Variants in CDH18 observed in about 807,000 individuals in gnomAD.
CDH18 encodes cadherin-18.
In CDH18, 31 loss-of-function variants were observed where a neutral mutation model predicts 67.9. The ratio of observed to expected loss-of-function variants is 0.46; its 90% CI spans 0.34 to 0.62. The LOEUF is 0.62. Ranked by LOEUF, CDH18 falls within the 20% of genes least tolerant of loss-of-function variation. CDH18 has a pLI of 0.01. For synonymous variants in CDH18, 362 were observed against 347.2 expected (o/e 1.04, Z -0.48); for missense variants, 890 against 975.5 (o/e 0.91, Z 1.17).
intron 1 of CDH18, among the ~76,000 whole-genome samples, chr5:20,299,377 A>C (rs1747774269): frequency 6.7e-6 from 1 of 150,214 alleles, no homozygotes; most frequent in Non-Finnish European, 1.5e-5. Flanking sequence ...TCCTAAACTT[A>C]AAAGCCCCAA....
chr5:20,032,304 C>T (rs1041136313), intron 2 of CDH18, among the ~76,000 whole-genome samples: 13 of 151,360 alleles, frequency 8.6e-5, no homozygotes, highest in African/African-American at 3.1e-4. Context: ...CTGTCCCTGA[C>T]TTTAGTTTCT....
chr5:19,637,423 A>T (rs1753324066), intron 5 of CDH18, among the ~76,000 whole-genome samples: 1 of 151,976 alleles, frequency 6.6e-6, no homozygotes, highest in South Asian at 2.1e-4. Context: ...TACACTACTG[A>T]TTCCTATTTC....
rs201703655 is a variant in CDH18, at chr5:20,104,995, A to AT, written c.-517-112982dup. Among the ~76,000 whole-genome samples the AT allele has an allele frequency of 9.1e-3, 1,359 of 149,752 alleles. 22 individuals are homozygous for AT. The highest frequency in any genetic ancestry group is 0.029 in the African/African-American group (1,175 of 40,892). On this transcript the variant is annotated intron_variant, in intron 2 of 14. Coordinates refer to the CDH18 transcript ENST00000507958. ...CACAATAGAAATTGTTTATAATTTT[A>AT]TTTTTTTTTTGAGACAGAATTTCTC...
At chr5:20,213,428 A>G (rs1233441643) in intron 2 of CDH18, among the ~76,000 whole-genome samples, 1 of 152,012 alleles carries the variant, frequency 6.6e-6, no homozygotes, top group African/African-American at 2.4e-5. Flanking sequence ...TTTTAGTCGA[A>G]TTTTTGGAAT....
chr5:20,105,975 G>T (rs1398817583), intron 2 of CDH18, among the ~76,000 whole-genome samples: 1 of 152,138 alleles, frequency 6.6e-6, no homozygotes, highest in African/African-American at 2.4e-5. Flanking sequence ...TAGTAAATAG[G>T]TAGCTGTATT....
chr5:20,491,195 T>TTTATTATTATTATTA (rs56678208), intron 1 of CDH18, among the ~76,000 whole-genome samples: 1 of 149,826 alleles, frequency 6.7e-6, no homozygotes, highest in Admixed American at 6.7e-5. Flanking sequence ...TAGTATTTGG[T>TTTATTATTATTATTA]TTATTATTAT....
intron 1 of CDH18, among the ~76,000 whole-genome samples, chr5:20,416,839 G>T (rs1211301792): frequency 1.1e-4 from 17 of 151,984 alleles, no homozygotes; most frequent in Admixed American, 1.1e-3. Context: ...CCTGAGACAT[G>T]AAAAAATAAT....
At chr5:20,238,231 A>T (rs1742624696) in intron 2 of CDH18, among the ~76,000 whole-genome samples, 1 of 152,128 alleles carries the variant, frequency 6.6e-6, no homozygotes, top group Non-Finnish European at 1.5e-5. Context: ...TATAAGGTTC[A>T]ACTTCAAAAT....
intron 1 of CDH18, among the ~76,000 whole-genome samples, chr5:20,445,278 T>A (rs1170944780): frequency 6.6e-6 from 1 of 152,184 alleles, no homozygotes; most frequent in Non-Finnish European, 1.5e-5. Flanking sequence ...GATTATCCGA[T>A]TTCTTAAACA....
At chr5:20,184,904 T>G (rs1737971957) in intron 2 of CDH18, among the ~76,000 whole-genome samples, 2 of 152,062 alleles carry the variant, frequency 1.3e-5, no homozygotes, top group South Asian at 4.1e-4. Flanking sequence ...CTCAGTTACC[T>G]TATTAAAATA....
intron 2 of CDH18, among the ~76,000 whole-genome samples, chr5:20,218,537 T>A (rs1740962954): frequency 6.6e-6 from 1 of 152,032 alleles, no homozygotes; most frequent in African/African-American, 2.4e-5. Flanking sequence ...GCTTTTGCTG[T>A]GTGTCCCCAC....
chr5:19,974,176 A>G (rs780382108), intron 2 of CDH18, among the ~76,000 whole-genome samples: 3 of 152,040 alleles, frequency 2.0e-5, no homozygotes, highest in Admixed American at 1.3e-4. Context: ...CAGTTTTCAG[A>G]CTGGTACAAA....
chr5:19,826,641 T>A (rs917575817), intron 3 of CDH18, among the ~76,000 whole-genome samples: 49 of 152,168 alleles, frequency 3.2e-4, no homozygotes, highest in Non-Finnish European at 2.8e-4. Context: ...CTAAGATTCA[T>A]AAGCAAAAGA....
intron 5 of CDH18, among the ~76,000 whole-genome samples, chr5:19,641,128 G>A (rs1468508048): frequency 1.2e-4 from 15 of 125,530 alleles, no homozygotes; most frequent in African/African-American, 3.0e-4. Context: ...ACAACTTACC[G>A]AATCTAAATT....
intron 1 of CDH18, among the ~76,000 whole-genome samples, chr5:20,458,353 C>T (rs945481747): frequency 5.3e-5 from 8 of 152,182 alleles, no homozygotes; most frequent in African/African-American, 1.7e-4. Context: ...TGCGGTGGCT[C>T]ATTCCTCTAA....
chr5:19,640,800 G>A (rs1407085328), intron 5 of CDH18, among the ~76,000 whole-genome samples: 4 of 151,732 alleles, frequency 2.6e-5, no homozygotes, highest in Admixed American at 6.6e-5. Flanking sequence ...AGAGTAAAAC[G>A]AAACCAACTA....
At position 20,046,227 on chromosome 5, in the gene CDH18, T is replaced by A. The variant is rs965299261; in HGVS notation, c.-517-54213A>T. 2.6e-5 allele frequency among the ~76,000 whole-genome samples: 4 copies of A among 151,938 alleles called. No individual in the cohort carries two copies. The South Asian group carries it at 6.2e-4, about 24-fold the overall frequency. On this transcript the variant is annotated intron_variant, in intron 2 of 14. Coordinates refer to the CDH18 transcript ENST00000507958. ...CATGGAATTTGTTGACAGATTAATA[T>A]GAGGGATGAAAGAAGTACAGAAATT...
chr5:19,812,767 C>T (rs867601853), intron 3 of CDH18, among the ~76,000 whole-genome samples: 2 of 152,018 alleles, frequency 1.3e-5, no homozygotes, highest in South Asian at 4.1e-4. Context: ...GTGGCGATTC[C>T]TCAAGGATCT....
chr5:19,643,531 TG>T (rs894428297), intron 5 of CDH18, among the ~76,000 whole-genome samples: 23 of 152,100 alleles, frequency 1.5e-4, no homozygotes, highest in African/African-American at 5.3e-4. Context: ...TCCAATAACG[TG>T]GATGTACTTA....
Sources: gnomAD v4.1 joint callset for allele counts (sites outside exome capture counted in the v4.1 genomes callset) on GRCh38, gnomAD v4.1.1 for gene constraint, MANE v1.5 for transcripts, NCBI Gene and HGNC (gene_info 2026-07-23, HGNC 2026-07-21) for gene names.